The following MMP28 variants were observed in gnomAD, a reference collection of about 807,000 sequenced individuals.
MMP28 encodes matrix metallopeptidase 28.
In MMP28, 55 loss-of-function variants were observed where a neutral mutation model predicts 60.5. The ratio of observed to expected loss-of-function variants is 0.91; its 90% CI spans 0.73 to 1.14. The LOEUF is 1.14. Among genes scored for constraint, MMP28 ranks in the 50% most tolerant of loss-of-function variants. The pLI is 0.00. For synonymous variants in MMP28, 318 were observed against 312.5 expected (o/e 1.02, Z -0.18); for missense variants, 686 against 738.3 (o/e 0.93, Z 0.82).
chr17:35,764,606 TGG>T (rs1568123884), downstream of MMP28: 4 of 1,584,634 alleles, frequency 2.5e-6, no homozygotes, highest in Non-Finnish European at 3.4e-6. Context: ...CGGGGGCCGC[TGG>T]GAACTCCTGA....
chr17:35,774,405 G>A (rs957772929), intron 3 of MMP28, among the ~76,000 whole-genome samples: 3 of 152,196 alleles, frequency 2.0e-5, no homozygotes, highest in Admixed American at 6.5e-5. Flanking sequence ...CCAGGACAAG[G>A]GGCCTGCCCA....
intron 1 of MMP28, among the ~76,000 whole-genome samples, chr17:35,792,481 C>T (rs774299695): frequency 5.3e-5 from 8 of 152,198 alleles, no homozygotes; most frequent in Non-Finnish European, 8.8e-5. Context: ...CAGCCCCAGA[C>T]ACTGTAGAAT....
chr17:35,759,806 C>T (rs1483407564), intron 2 of MMP28, among the ~76,000 whole-genome samples: 1 of 148,580 alleles, frequency 6.7e-6, no homozygotes, highest in Non-Finnish European at 1.5e-5. Flanking sequence ...TCATTTGTGT[C>T]ACTCATAGGA....
intron 7 of MMP28, 139 bp from the exon 8 acceptor site, chr17:35,767,033 G>A: frequency 1.2e-6 from 1 of 821,028 alleles, no homozygotes; most frequent in Non-Finnish European, 2.0e-6. Context: ...CAAACGGATT[G>A]CACTACAAAT....
In MMP28 at chr17:35,766,594, T is replaced by C. The variant is rs771132233; in HGVS notation, c.1469A>G (p.Gln490Arg). 1.8e-5 allele frequency: 29 copies of C among 1,612,374 alleles called. No individual in the cohort carries two copies. The highest frequency in any genetic ancestry group is 2.4e-5 in the Non-Finnish European group (28 of 1,179,756). ...FRDDRYWRLD[Q>R]AKLQATTSGR... ...CGAGGTGGTTGCCTGCAGTTTGGCCTGGTCGAGGCGCCAGTAGCGGTCATC... is the reference window on the plus strand; with the variant it reads ...CGAGGTGGTTGCCTGCAGTTTGGCCCGGTCGAGGCGCCAGTAGCGGTCATC... Residue 490 changes from glutamine to arginine, a missense_variant, in exon 8 of 8, where the codon CAG becomes CGG. Physicochemically the swap from Gln to Arg is conservative, Grantham distance 43 (BLOSUM62 1). Transcript: ENST00000605424. This position sits in a 1 kb window ranked among gnomAD's most constrained non-coding sequence, Gnocchi z 4.3.
In MMP28 at chr17:35,770,317, A is replaced by G; in HGVS notation, c.605-5T>C. 2.7e-6 allele frequency: 4 copies of G among 1,500,646 alleles called. No homozygotes were observed. Among genetic ancestry groups the G allele is most frequent in the Non-Finnish European group, 3.5e-6 (4 of 1,133,532 alleles). The allele number at this position is 1,500,646 out of a possible 1,614,324, so 93.0% of individuals were successfully genotyped here. A position where few individuals can be genotyped will look rare whatever the true frequency, so the allele number is the denominator to read the frequency against. The stretch of plus-strand genomic sequence containing the variant: ...AGGCGTGCGCCAGGGCGCCCCCTGC[A>G]GGTGGGGCAGAAGGTCAGGGGGTGC... On this transcript the variant is annotated splice_polypyrimidine_tract_variant and splice_region_variant and intron_variant, in intron 4 of 7. Transcript: ENST00000605424.
At chr17:35,757,246 C>T (rs2085750349) in intron 2 of MMP28, 1 of 152,168 alleles carries the variant, frequency 6.6e-6, no homozygotes, top group African/African-American at 2.4e-5. Context: ...ATGAGTCCCA[C>T]TTGATCAAAG....
At chr17:35,791,168 C>T (rs1185018295) in intron 1 of MMP28, among the ~76,000 whole-genome samples, 1 of 151,654 alleles carries the variant, frequency 6.6e-6, no homozygotes, top group Non-Finnish European at 1.5e-5. Flanking sequence ...TTAAGTTGGA[C>T]TTTAAAACAC....
intron 1 of MMP28, among the ~76,000 whole-genome samples, chr17:35,782,819 A>T (rs927763580): frequency 6.0e-5 from 9 of 148,950 alleles, no homozygotes; most frequent in South Asian, 2.1e-4. Flanking sequence ...GGGACAAATT[A>T]TTTTTTTTTT....
chr17:35,765,742 G>GCA (rs146664759), downstream of MMP28: 220 of 601,390 alleles, frequency 3.7e-4, no homozygotes, highest in Non-Finnish European at 4.1e-4. Flanking sequence ...TCACAGCTCT[G>GCA]CACACACACA....
chr17:35,761,774 G>A (rs188788000), downstream of MMP28, among the ~76,000 whole-genome samples: 584 of 152,246 alleles, frequency 3.8e-3, 3 homozygotes, highest in Non-Finnish European at 6.2e-3. Flanking sequence ...GAGAGGCAAA[G>A]TCCAGATTCC....
chr17:35,764,604 G>A (rs199950029), downstream of MMP28: 6 of 1,584,506 alleles, frequency 3.8e-6, no homozygotes, highest in African/African-American at 1.4e-5. Flanking sequence ...GGCGGGGGCC[G>A]CTGGGAACTC....
At chr17:35,757,810 A>G (rs1470260366) in intron 2 of MMP28, among the ~76,000 whole-genome samples, 4 of 152,012 alleles carry the variant, frequency 2.6e-5, no homozygotes, top group African/African-American at 4.8e-5. Flanking sequence ...GGGTCTTGCT[A>G]TGTTGCCGAG....
At chr17:35,758,755 G>T (rs1391089989) in intron 2 of MMP28, among the ~76,000 whole-genome samples, 1 of 152,148 alleles carries the variant, frequency 6.6e-6, no homozygotes, top group Non-Finnish European at 1.5e-5. Context: ...TTTTATGCTA[G>T]CATGGGTTGT....
At chr17:35,793,354 A>C (rs73990299) in intron 1 of MMP28, among the ~76,000 whole-genome samples, 1 of 152,154 alleles carries the variant, frequency 6.6e-6, no homozygotes, top group East Asian at 1.9e-4. Flanking sequence ...CCGCACTTGC[A>C]GGGAGGTGGG....
intron 2 of MMP28, among the ~76,000 whole-genome samples, chr17:35,759,576 C>T (rs2085780296): frequency 6.6e-6 from 1 of 152,082 alleles, no homozygotes; most frequent in African/African-American, 2.4e-5. Context: ...TGACACGCGC[C>T]TGTAGTCCCA....
chr17:35,757,373 G>A (rs2085751746), intron 2 of MMP28: 1 of 152,136 alleles, frequency 6.6e-6, no homozygotes, highest in Non-Finnish European at 1.5e-5. Flanking sequence ...AAGTCTGTTG[G>A]AGAGCTTCTG....
chr17:35,763,482 G>C (rs76518921), downstream of MMP28, among the ~76,000 whole-genome samples: 3,319 of 134,562 alleles, frequency 0.025, 60 homozygotes, highest in East Asian at 0.11. Flanking sequence ...AAAAGAGTCT[G>C]ACCTTGTTGC....
At chr17:35,761,993 T>C (rs965929638), downstream of MMP28, among the ~76,000 whole-genome samples, 3 of 152,130 alleles carry the variant, frequency 2.0e-5, no homozygotes, top group Non-Finnish European at 4.4e-5. Context: ...TCTTTCTTTC[T>C]TTTTTTCTTT....
Sources: gnomAD v4.1 joint callset for allele counts (sites outside exome capture counted in the v4.1 genomes callset) on GRCh38, gnomAD v4.1.1 for gene constraint, Gnocchi (gnomAD v3.1) non-coding constraint, MANE v1.5 for transcripts, NCBI Gene and HGNC (gene_info 2026-07-23, HGNC 2026-07-21) for gene names.